KIAA1217: variants seen among roughly 807,000 people sequenced by gnomAD.
The protein encoded by KIAA1217 is sickle tail protein homolog.
KIAA1217 carries 88 observed loss-of-function variants against 163.9 expected under a neutral mutation model. The ratio of observed to expected loss-of-function variants is 0.54; its 90% confidence interval spans 0.45 to 0.64. The LOEUF (loss-of-function observed/expected upper bound fraction) is 0.64. KIAA1217 is among the 30% of genes least tolerant of loss of function. The pLI is 0.00. For missense variants in KIAA1217, 2,372 were observed against 2,475.0 expected, an observed-to-expected ratio of 0.96 and a Z score of 0.88; for synonymous variants, 903 against 923.1, an observed-to-expected ratio of 0.98 and a Z score of 0.39.
chr10:23,704,243 G>A (rs939879305), intron 1 of KIAA1217, among the ~76,000 whole-genome samples: 1 of 125,150 alleles, frequency 8.0e-6, no homozygotes, highest in Non-Finnish European at 1.6e-5. Flanking sequence ...GGAGAAATAT[G>A]ACCCCAGGGC....
intron 2 of KIAA1217, among the ~76,000 whole-genome samples, chr10:24,282,027 A>G (rs909901505): frequency 3.9e-5 from 6 of 152,030 alleles, no homozygotes; most frequent in African/African-American, 1.5e-4. Flanking sequence ...ACTGCACTCC[A>G]GCCTGGGTGA....
At chr10:24,140,368 A>G (rs1453676495) in intron 2 of KIAA1217, among the ~76,000 whole-genome samples, 1 of 152,066 alleles carries the variant, frequency 6.6e-6, no homozygotes, top group Non-Finnish European at 1.5e-5. Context: ...TCAAAAAAAA[A>G]AAAAAAAAGA....
chr10:24,525,311 G>A (rs1328094440), intron 13 of KIAA1217, among the ~76,000 whole-genome samples: 1 of 152,144 alleles, frequency 6.6e-6, no homozygotes, highest in East Asian at 1.9e-4. Context: ...GATGATAAGT[G>A]GAACCTGGTT....
chr10:24,290,609 T>C (rs904719472), intron 2 of KIAA1217, among the ~76,000 whole-genome samples: 7 of 147,440 alleles, frequency 4.7e-5, no homozygotes, highest in Admixed American at 2.0e-4. Context: ...ATGTCTCTCT[T>C]TTTTTTTTTT....
At chr10:23,848,203 A>T (rs1293347292) in intron 1 of KIAA1217, among the ~76,000 whole-genome samples, 7 of 152,026 alleles carry the variant, frequency 4.6e-5, no homozygotes, top group African/African-American at 1.7e-4. Flanking sequence ...TTTGGGATGG[A>T]CGGTTCCATA....
In KIAA1217 at chr10:24,543,169, C is replaced by T. The variant is rs150113984; in HGVS notation, c.3899C>T (p.Thr1300Met). ...TCTATACCTGACACCGAGAACCAGACGCTGAATTACGGAAAGACAAAGGAG... is the reference window on the plus strand; with the variant it reads ...TCTATACCTGACACCGAGAACCAGATGCTGAATTACGGAAAGACAAAGGAG... ...QYSIPDTENQTLNYGKTKEME... is the reference protein window; with the variant it reads ...QYSIPDTENQMLNYGKTKEME... Residue 1300 changes from threonine to methionine, a missense_variant, in exon 19 of 21, where the codon ACG (threonine) becomes ATG (methionine). Around this residue, in one of 3 missense-constraint regions of KIAA1217, gnomAD observed 251 missense variants for 327.3 expected, o/e 0.77. Transcript: ENST00000376454. The T allele has an allele frequency of 3.4e-4, 551 of 1,613,568 alleles. 2 individuals are homozygous for T. The highest frequency in any genetic ancestry group is 5.7e-4 in the Admixed American group (34 of 59,982).
chr10:23,778,178 AT>A (rs889223688), intron 1 of KIAA1217, among the ~76,000 whole-genome samples: 5 of 151,806 alleles, frequency 3.3e-5, no homozygotes, highest in African/African-American at 1.2e-4. Flanking sequence ...TGACCTCGTG[AT>A]TCCCCCCCCT....
At chr10:24,182,413 A>G (rs904247336) in intron 2 of KIAA1217, among the ~76,000 whole-genome samples, 4 of 144,714 alleles carry the variant, frequency 2.8e-5, no homozygotes, top group Non-Finnish European at 4.5e-5. Context: ...CTGCACTCCA[A>G]CCTGGATGAC....
chr10:23,831,577 C>A (rs1238827303), intron 1 of KIAA1217, among the ~76,000 whole-genome samples: 1 of 152,116 alleles, frequency 6.6e-6, no homozygotes, highest in African/African-American at 2.4e-5. Flanking sequence ...CAGCTTCCAA[C>A]TTGTACGTTT....
At chr10:23,747,165 G>A (rs1351778536) in intron 1 of KIAA1217, among the ~76,000 whole-genome samples, 13 of 152,234 alleles carry the variant, frequency 8.5e-5, no homozygotes, top group Admixed American at 7.8e-4. Context: ...ATTTGGCAAA[G>A]AAAAATACCT....
intron 1 of KIAA1217, among the ~76,000 whole-genome samples, chr10:23,811,202 A>C (rs1837030482): frequency 7.0e-6 from 1 of 143,314 alleles, no homozygotes; most frequent in Non-Finnish European, 1.5e-5. Context: ...TATACTATGT[A>C]TATAGTATAA....
chr10:24,286,216 T>C (rs182366621), intron 2 of KIAA1217, among the ~76,000 whole-genome samples: 1 of 152,240 alleles, frequency 6.6e-6, no homozygotes, highest in East Asian at 1.9e-4. Flanking sequence ...TTTTGCCCAT[T>C]TTTTTAATTG....
intron 1 of KIAA1217, among the ~76,000 whole-genome samples, chr10:23,752,829 A>G (rs896624573): frequency 2.0e-5 from 3 of 152,174 alleles, no homozygotes; most frequent in Non-Finnish European, 4.4e-5. Context: ...ACCAAAGTGA[A>G]TGGGTATTAC....
At chr10:24,449,853 T>A in intron 5 of KIAA1217, 1 of 657,236 alleles carries the variant, frequency 1.5e-6, no homozygotes, top group East Asian at 1.4e-4. Context: ...TTGTCTTCTG[T>A]ATTCAAGTTC....
intron 2 of KIAA1217, among the ~76,000 whole-genome samples, chr10:24,323,408 A>G (rs1409220302): frequency 6.6e-6 from 1 of 152,234 alleles, no homozygotes; most frequent in Non-Finnish European, 1.5e-5. Flanking sequence ...GGCAAACCAC[A>G]GTTCATTTGA....
At chr10:23,993,335 T>A (rs2131444126) in intron 1 of KIAA1217, among the ~76,000 whole-genome samples, 1 of 152,034 alleles carries the variant, frequency 6.6e-6, no homozygotes. Context: ...CCCAGCCTGA[T>A]AGCTTCCTTT....
intron 1 of KIAA1217, among the ~76,000 whole-genome samples, chr10:23,948,270 G>A (rs928778909): frequency 2.0e-5 from 3 of 152,100 alleles, no homozygotes; most frequent in African/African-American, 4.8e-5. Flanking sequence ...AGTACCAACC[G>A]CATAGGGTTG....
At chr10:24,007,102 A>G (rs1303737074) in intron 1 of KIAA1217, 1 of 151,752 alleles carries the variant, frequency 6.6e-6, no homozygotes, top group Admixed American at 6.6e-5. Context: ...GCCAGGCTGT[A>G]TATCATAGAG....
At chr10:24,308,337 A>G (rs1001635065) in intron 2 of KIAA1217, among the ~76,000 whole-genome samples, 16 of 152,254 alleles carry the variant, frequency 1.1e-4, no homozygotes, top group African/African-American at 3.6e-4. Flanking sequence ...TATGCTGGCT[A>G]GACCGTCAAC....
Sources: allele counts gnomAD v4.1 joint callset (sites outside exome capture counted in the v4.1 genomes callset), GRCh38; gene constraint gnomAD v4.1.1; regional missense constraint gnomAD v4.1.1; transcripts MANE v1.5; gene names NCBI Gene and HGNC (gene_info 2026-07-23, HGNC 2026-07-21).